Variants in SLC35F1 observed in about 807,000 individuals in gnomAD.
SLC35F1 encodes the protein solute carrier family 35 member F1, also known as chromosome 6 open reading frame 169.
A neutral mutation model predicts 48.7 loss-of-function variants in SLC35F1; 14 were observed. The observed-to-expected ratio is 0.29, with a 90% CI of 0.19 to 0.45. The LOEUF is 0.45. Among genes scored for constraint, SLC35F1 ranks in the 20% least tolerant of loss-of-function variants. The pLI is 1.00. For synonymous variants in SLC35F1, 190 were observed against 202.2 expected (o/e 0.94, Z 0.51); for missense variants, 404 against 500.0 (o/e 0.81, Z 1.83).
chr6:117,979,956 AT>A (rs530739851), intron 1 of SLC35F1, among the ~76,000 whole-genome samples: 82 of 152,222 alleles, frequency 5.4e-4, no homozygotes, highest in Admixed American at 1.4e-3. Context: ...ACTTATCAGA[AT>A]TTTTTTCCCT....
At chr6:118,046,113 A>G (rs898861588) in intron 1 of SLC35F1, among the ~76,000 whole-genome samples, 5 of 152,226 alleles carry the variant, frequency 3.3e-5, no homozygotes, top group African/African-American at 9.6e-5. Context: ...GCAAGGATCT[A>G]GGGACATTTG....
At chr6:118,296,989 A>G (rs1776194514) in intron 7 of SLC35F1, among the ~76,000 whole-genome samples, 2 of 152,188 alleles carry the variant, frequency 1.3e-5, no homozygotes, top group Admixed American at 6.5e-5. Context: ...GCTAAGATGT[A>G]AAACAAAGAT....
chr6:117,937,755 C>T (rs920336416), intron 1 of SLC35F1, among the ~76,000 whole-genome samples: 6 of 152,118 alleles, frequency 3.9e-5, no homozygotes, highest in African/African-American at 1.4e-4. Context: ...AACACAAGGT[C>T]CCAATGTCTA....
rs1037507930 is a variant in SLC35F1, at chr6:118,281,223, A to T, written c.847+3677A>T. On this transcript the variant is annotated intron_variant, in intron 6 of 7. Coordinates refer to ENST00000360388, the MANE Select transcript of SLC35F1 (RefSeq NM_001029858.4). Reference sequence around the variant, plus strand: ...CTCTCTCTATATATATATATATATAAAATATTAACTGAGGTATTGATAGGA... The same window carrying T: ...CTCTCTCTATATATATATATATATATAATATTAACTGAGGTATTGATAGGA... 6.1e-5 allele frequency among the ~76,000 whole-genome samples: 7 copies of T among 115,514 alleles called. 1 individual carries two copies. Among genetic ancestry groups the T allele is most frequent in the South Asian group, 5.7e-4 (2 of 3,508 alleles). The allele number at this position is 115,514 out of a possible 152,430, so 75.8% of individuals were successfully genotyped here.
intron 1 of SLC35F1, among the ~76,000 whole-genome samples, chr6:118,039,408 C>T (rs982766591): frequency 2.6e-5 from 4 of 152,052 alleles, no homozygotes; most frequent in East Asian, 1.9e-4. Flanking sequence ...TAATCTGAGA[C>T]GTGCTTAGCT....
intron 1 of SLC35F1, among the ~76,000 whole-genome samples, chr6:118,049,684 A>G (rs1365232609): frequency 1.3e-5 from 2 of 152,026 alleles, no homozygotes; most frequent in Non-Finnish European, 2.9e-5. Context: ...CACACCAGTT[A>G]GAATGGCGAT....
At chr6:118,216,905 A>G (rs1025035603) in intron 2 of SLC35F1, among the ~76,000 whole-genome samples, 3 of 152,034 alleles carry the variant, frequency 2.0e-5, no homozygotes, top group African/African-American at 7.2e-5. Context: ...CTTCATACTC[A>G]CCCCTTTTCA....
chr6:118,166,106 C>T (rs907963431), intron 2 of SLC35F1, among the ~76,000 whole-genome samples: 7 of 151,428 alleles, frequency 4.6e-5, no homozygotes, highest in African/African-American at 1.5e-4. Context: ...TGTTCTATTT[C>T]AGAGTTGGAA....
chr6:118,263,457 GA>G (rs1382023183), intron 3 of SLC35F1, among the ~76,000 whole-genome samples: 1 of 151,968 alleles, frequency 6.6e-6, no homozygotes, highest in Non-Finnish European at 1.5e-5. Flanking sequence ...TCCTTAGGGG[GA>G]AAAAAGGAAT....
intron 6 of SLC35F1, among the ~76,000 whole-genome samples, chr6:118,281,325 G>A (rs1454894012): frequency 6.6e-6 from 1 of 151,828 alleles, no homozygotes; most frequent in Non-Finnish European, 1.5e-5. Context: ...TATGTATTCA[G>A]AATTTAAAGT....
chr6:118,276,922 C>G (rs1319976322), intron 5 of SLC35F1, among the ~76,000 whole-genome samples: 1 of 152,152 alleles, frequency 6.6e-6, no homozygotes, highest in Non-Finnish European at 1.5e-5. Context: ...TCCCCATTCT[C>G]TTCTAGATGA....
chr6:118,028,451 G>A (rs957409129), intron 1 of SLC35F1, among the ~76,000 whole-genome samples: 23 of 152,094 alleles, frequency 1.5e-4, no homozygotes, highest in Admixed American at 1.4e-3. Flanking sequence ...GGTAAGTGAG[G>A]GAGTGAATCA....
intron 1 of SLC35F1, among the ~76,000 whole-genome samples, chr6:117,988,943 T>A (rs1776882124): frequency 6.6e-6 from 1 of 152,342 alleles, no homozygotes; most frequent in East Asian, 1.9e-4. Flanking sequence ...TTTTATGTTA[T>A]GTATATTAAT....
chr6:118,222,583 G>GAA (rs200141131), intron 2 of SLC35F1, among the ~76,000 whole-genome samples: 1 of 151,466 alleles, frequency 6.6e-6, no homozygotes, highest in East Asian at 1.9e-4. Flanking sequence ...AAGAATCCCA[G>GAA]AAAAAAAACT....
intron 3 of SLC35F1, among the ~76,000 whole-genome samples, chr6:118,245,628 C>T (rs1251041109): frequency 1.3e-5 from 2 of 152,146 alleles, no homozygotes; most frequent in Non-Finnish European, 2.9e-5. Flanking sequence ...GGTTTCCAAC[C>T]TTTGTGATTC....
intron 1 of SLC35F1, among the ~76,000 whole-genome samples, chr6:118,051,002 A>G (rs1325051633): frequency 6.6e-6 from 1 of 152,148 alleles, no homozygotes; most frequent in Non-Finnish European, 1.5e-5. Context: ...GGACATTGAC[A>G]TCCCCTTCTG....
At chr6:117,977,114 A>G (rs1258008645) in intron 1 of SLC35F1, among the ~76,000 whole-genome samples, 1 of 152,170 alleles carries the variant, frequency 6.6e-6, no homozygotes, top group Non-Finnish European at 1.5e-5. Flanking sequence ...CTTTGATGAT[A>G]CATGTGATGA....
At chr6:117,992,655 C>A (rs1776933807) in intron 1 of SLC35F1, among the ~76,000 whole-genome samples, 1 of 152,174 alleles carries the variant, frequency 6.6e-6, no homozygotes, top group Non-Finnish European at 1.5e-5. Context: ...TCCTATTCAG[C>A]TCCATTTATT....
At chr6:118,128,051 C>A (rs1359592411) in intron 1 of SLC35F1, among the ~76,000 whole-genome samples, 1 of 149,342 alleles carries the variant, frequency 6.7e-6, no homozygotes, top group African/African-American at 2.4e-5. Context: ...CCAAAAGACA[C>A]ATGAAAAAAT....
Sources: gnomAD v4.1 joint callset for allele counts (sites outside exome capture counted in the v4.1 genomes callset) on GRCh38, gnomAD v4.1.1 for gene constraint, MANE v1.5 for transcripts, NCBI Gene and HGNC (gene_info 2026-07-23, HGNC 2026-07-21) for gene names.